The following F7 variants were observed in gnomAD, a reference collection of about 807,000 sequenced individuals.
The protein encoded by F7 is FVII coagulation protein.
A neutral mutation model predicts 47.5 loss-of-function variants in F7; 38 were observed. That is an observed-to-expected ratio of 0.80 (90% CI 0.62 to 1.05). The LOEUF (loss-of-function observed/expected upper bound fraction) is 1.05, where lower values mean the gene tolerates loss of function less well. Ranked by LOEUF, F7 falls within the 50% of genes least tolerant of loss-of-function variation. The pLI, the probability that F7 is intolerant of heterozygous loss-of-function variation, is 0.00. For synonymous variants in F7, 244 were observed against 258.5 expected, an observed-to-expected ratio of 0.94 and a Z score of 0.54; for missense variants, 575 against 605.4, an observed-to-expected ratio of 0.95 and a Z score of 0.53.
intron 1 of F7, 196 bp from the exon 2 acceptor site, chr13:113,110,494 G>A (rs1189156083): frequency 8.9e-6 from 6 of 673,472 alleles, no homozygotes; most frequent in Non-Finnish European, 1.2e-5. Flanking sequence ...GGCCAGGCCG[G>A]GAAGGATGGG....
At chr13:113,106,765 G>C in intron 1 of F7, 3 of 1,408,050 alleles carry the variant, frequency 2.1e-6, no homozygotes, top group Non-Finnish European at 2.9e-6. Context: ...GGTGGGCTGT[G>C]AGGGACAGTG....
intron 1 of F7, 181 bp from the exon 2 acceptor site, chr13:113,110,509 G>A (rs2774032): frequency 8.1e-6 from 6 of 743,318 alleles, no homozygotes; most frequent in African/African-American, 5.5e-5. Flanking sequence ...GATGGGCGAC[G>A]GGGGTGGCTG....
At chr13:113,115,609 T>G in intron 4 of F7, 51 bp from the exon 5 acceptor site, 1 of 1,595,278 alleles carries the variant, frequency 6.3e-7, no homozygotes, top group Non-Finnish European at 8.5e-7. Flanking sequence ...GGGGGCTGGC[T>G]CTCGCTGACC....
chr13:113,117,437 C>G, intron 6 of F7, 36 bp from the exon 7 acceptor site: 1 of 1,611,428 alleles, frequency 6.2e-7, no homozygotes, highest in South Asian at 1.1e-5. Flanking sequence ...ACAATGACAG[C>G]AATGTGACTT....
At chr13:113,110,983 T>A (rs1401734222) in intron 2 of F7, 133 bp downstream of exon 2, 2 of 1,054,800 alleles carry the variant, frequency 1.9e-6, no homozygotes, top group African/African-American at 1.7e-5. Context: ...CGCGGCGCTT[T>A]CTGCGGGGGT....
chr13:113,117,755 C>T (rs1439924469), intron 7 of F7, among the ~76,000 whole-genome samples, 159 bp downstream of exon 7: 1 of 149,682 alleles, frequency 6.7e-6, no homozygotes, highest in Non-Finnish European at 1.5e-5. Context: ...GTGGGTGCCA[C>T]TCTCCGCTGT....
chr13:113,105,963 G>T, intron 1 of F7, 58 bp downstream of exon 1: 1 of 1,490,890 alleles, frequency 6.7e-7, no homozygotes, highest in Non-Finnish European at 9.1e-7. Context: ...GCAAATCCAG[G>T]AGCCAGCCCG....
intron 2 of F7, among the ~76,000 whole-genome samples, chr13:113,111,131 C>A (rs918553733): frequency 6.6e-6 from 1 of 152,218 alleles, no homozygotes; most frequent in Admixed American, 6.5e-5. Flanking sequence ...TTAGGGTGTC[C>A]CCCTTAACTT....
At position 113,117,478 on chromosome 13, in the gene F7, G is replaced by A. The variant is rs144076693; in HGVS notation, c.621G>A (p.Leu207=). The A allele has an allele frequency of 6.8e-6, 11 of 1,613,906 alleles. No individual in the cohort carries two copies. The African/African-American group carries it at 1.5e-4, about 22-fold the overall frequency. ...CPKGECPWQV[L]LLVNGAQLCG... is the part of the protein sequence containing the mutation. ...CCTCCTGTCCCCCCGCCCAGGTCCT[G>A]TTGTTGGTGAATGGAGCTCAGTTGT... Residue 207 remains leucine (L), a synonymous_variant, in exon 7 of 8, where the codon CTG becomes CTA. Coordinates refer to ENST00000346342, the MANE Select transcript of F7 (RefSeq NM_019616.4).
rs868416507 is a variant in F7, at chr13:113,110,822, G to A, written c.197G>A (p.Arg66Gln). ...GAGCAGTGCTCCTTCGAGGAGGCCC[G>A]GGAGATCTTCAAGGACGCGGAGAGG... is the stretch of plus-strand genomic sequence containing the variant. ...KEEQCSFEEA[R>Q]EIFKDAERTK... The change falls in exon 2 of 8, where the codon CGG (arginine) becomes CAG (glutamine). Residue 66 changes from arginine (R) to glutamine (Q), a missense_variant. Transcript: ENST00000346342. 4 of 1,560,684 alleles carry A rather than the reference G, an allele frequency of 2.6e-6. No homozygotes were observed. Among genetic ancestry groups the A allele is most frequent in the Non-Finnish European group, 3.5e-6 (4 of 1,153,098 alleles).
Position 113,116,794 on chromosome 13 carries a change from T to A in F7, c.534T>A (p.Ile178=). The stretch of plus-strand genomic sequence containing the variant: ...AATATCCATGTGGAAAAATACCTAT[T>A]CTAGAAAAAAGAAATGCCAGCAAAC... ...TVEYPCGKIP[I]LEKRNASKPQ... Residue 178 remains isoleucine (I), a synonymous_variant, in exon 6 of 8, where the codon ATT becomes ATA. Coordinates refer to ENST00000346342, the MANE Select transcript of F7 (RefSeq NM_019616.4). 1.2e-6 allele frequency: 2 copies of A among 1,613,878 alleles called. No individual in the cohort carries two copies. The highest frequency in any genetic ancestry group is 1.7e-6 in the Non-Finnish European group (2 of 1,179,972).
chr13:113,108,629 C>T (rs1371472594), intron 1 of F7, among the ~76,000 whole-genome samples: 1 of 95,904 alleles, frequency 1.0e-5, no homozygotes, highest in Non-Finnish European at 2.1e-5. Context: ...GTGTGGGTGT[C>T]CCGGGGGCGT....
At position 113,118,865 on chromosome 13, in the gene F7, G is replaced by A; in HGVS notation, c.1192G>A (p.Gly398Ser). The change falls in exon 8 of 8, where the codon GGC (glycine) becomes AGC (serine). Residue 398 changes from glycine (G) to serine (S), a missense_variant. Gly to Ser is a moderately conservative substitution (Grantham distance 56, BLOSUM62 0). Transcript: ENST00000346342. ...THYRGTWYLT[G>S]IVSWGQGCAT... Reference sequence around the variant, plus strand: ...CTACCGGGGCACGTGGTACCTGACGGGCATCGTCAGCTGGGGCCAGGGCTG... The same window carrying A: ...CTACCGGGGCACGTGGTACCTGACGAGCATCGTCAGCTGGGGCCAGGGCTG... The A allele has an allele frequency of 6.2e-7, 1 of 1,612,752 alleles. No homozygotes were observed. The highest frequency in any genetic ancestry group is 1.1e-5 in the South Asian group (1 of 91,062).
Position 113,116,810 on chromosome 13 carries a change from G to A in F7, c.550G>A (p.Ala184Thr). The A allele has an allele frequency of 1.2e-6, 2 of 1,613,924 alleles. No homozygotes were observed. The highest frequency in any genetic ancestry group is 1.7e-6 in the Non-Finnish European group (2 of 1,180,022). ...AATACCTATTCTAGAAAAAAGAAAT[G>A]CCAGCAAACCCCAAGGCCGAATTGT... ...GKIPILEKRN[A>T]SKPQGRIVGG... The change falls in exon 6 of 8, where the codon GCC (alanine) becomes ACC (threonine). Residue 184 changes from alanine (A) to threonine (T), a missense_variant. Physicochemically the swap from Ala to Thr is moderately conservative, Grantham distance 58. Transcript: ENST00000346342.
At chr13:113,118,301 GA>G in intron 7 of F7, 111 bp from the exon 8 acceptor site, 1 of 1,241,512 alleles carries the variant, frequency 8.1e-7, no homozygotes, top group South Asian at 1.4e-5. Flanking sequence ...CCTTGCCCCA[GA>G]AGGAGACTGC....
In F7 at chr13:113,108,973, A is replaced by G. The variant is rs190788396; in HGVS notation, c.65-1717A>G. On this transcript the variant is annotated intron_variant, in intron 1 of 7. Transcript: ENST00000346342. ...GGTGTCCCGGGAGCGTGGGTGTCCCAGGGGTGTGGGTGTCCCGGGGGCGTG... is the reference window on the plus strand; with the variant it reads ...GGTGTCCCGGGAGCGTGGGTGTCCCGGGGGTGTGGGTGTCCCGGGGGCGTG... Among the ~76,000 whole-genome samples, 80 of 14,090 alleles carry G rather than the reference A, an allele frequency of 5.7e-3. 3 individuals are homozygous for G. Among genetic ancestry groups the G allele is most frequent in the African/African-American group, 0.018 (66 of 3,572 alleles). The allele number at this position is 14,090 out of a possible 152,430, so 9.2% of individuals were successfully genotyped here.
At chr13:113,117,145 A>G (rs2036208145) in intron 6 of F7, 1 of 608,082 alleles carries the variant, frequency 1.6e-6, no homozygotes, top group Admixed American at 2.8e-5. Context: ...CCTCACGGTT[A>G]CTCTTTGAGG....
intron 1 of F7, chr13:113,110,340 C>T: frequency 3.9e-6 from 1 of 255,614 alleles, no homozygotes; most frequent in South Asian, 5.3e-5. Flanking sequence ...GGGGGTTGCC[C>T]GGCACCCGGG....
intron 1 of F7, 64 bp from the exon 2 acceptor site, chr13:113,110,626 G>A: frequency 6.5e-7 from 1 of 1,541,338 alleles, no homozygotes; most frequent in Non-Finnish European, 8.8e-7. Context: ...GTGGGCCGTG[G>A]GGCGGTCTCC....
Sources: gnomAD v4.1 joint callset for allele counts (sites outside exome capture counted in the v4.1 genomes callset) on GRCh38, gnomAD v4.1.1 for gene constraint, MANE v1.5 for transcripts, NCBI Gene and HGNC (gene_info 2026-07-23, HGNC 2026-07-21) for gene names.